The following RANBP10 variants were observed in gnomAD, a reference collection of about 807,000 sequenced individuals.
RANBP10 encodes the protein ran-binding protein 10.
In RANBP10, 24 loss-of-function variants were observed where a neutral mutation model predicts 72.8. The observed-to-expected ratio is 0.33, with a 90% CI of 0.24 to 0.46. RANBP10 has a LOEUF of 0.46. Among genes scored for constraint, RANBP10 ranks in the 20% least tolerant of loss-of-function variants. The probability of loss-of-function intolerance (pLI) is 1.00; values close to 1 mark genes in which losing one functional copy is unlikely to be tolerated. For missense variants in RANBP10, 679 were observed against 817.5 expected (o/e 0.83, Z 2.07); for synonymous variants, 310 against 322.3 (o/e 0.96, Z 0.41).
At position 67,760,403 on chromosome 16, in the gene RANBP10, GC is replaced by G. The variant is rs200625148; in HGVS notation, c.400+11630del. 7.8e-3 allele frequency among the ~76,000 whole-genome samples: 1,182 copies of G among 152,338 alleles called. 7 individuals are homozygous for G. Among genetic ancestry groups the G allele is most frequent in the African/African-American group, 0.022 (915 of 41,570 alleles). ...TGGCACACGCAGATGTGAAATATCA[GC>G]TGTTTGCAGAACGTGTCCTACCCAG... On this transcript the variant is annotated intron_variant, in intron 3 of 13. Transcript: ENST00000317506.
intron 2 of RANBP10, among the ~76,000 whole-genome samples, chr16:67,780,176 G>A (rs2054784525): frequency 6.6e-6 from 1 of 152,108 alleles, no homozygotes; most frequent in African/African-American, 2.4e-5. Flanking sequence ...AGAATGCAGT[G>A]AGCCGAGATT....
intron 6 of RANBP10, 112 bp from the exon 7 acceptor site, chr16:67,731,696 GA>G (rs1374733035): frequency 1.4e-6 from 1 of 707,468 alleles, no homozygotes; most frequent in Non-Finnish European, 2.4e-6. Context: ...ACACGTCCTG[GA>G]GGTGTAACCT....
chr16:67,804,576 ATTT>A (rs1032662023), intron 2 of RANBP10, among the ~76,000 whole-genome samples: 1 of 151,096 alleles, frequency 6.6e-6, no homozygotes, highest in Non-Finnish European at 1.5e-5. Flanking sequence ...TAATTTTTGA[ATTT>A]TTTTTTAGAG....
chr16:67,727,045 A>C (rs1043619608), intron 13 of RANBP10, among the ~76,000 whole-genome samples: 5 of 152,220 alleles, frequency 3.3e-5, no homozygotes, highest in African/African-American at 1.2e-4. Context: ...CTGTAATCCC[A>C]GCACTTTGGG....
intron 2 of RANBP10, among the ~76,000 whole-genome samples, chr16:67,786,948 G>T: frequency 6.7e-6 from 1 of 148,668 alleles, no homozygotes; most frequent in Admixed American, 6.8e-5. Flanking sequence ...CGAAAAAATA[G>T]AATAAATAGG....
intron 3 of RANBP10, among the ~76,000 whole-genome samples, chr16:67,760,140 A>C (rs932035714): frequency 6.6e-6 from 1 of 151,886 alleles, no homozygotes; most frequent in Non-Finnish European, 1.5e-5. Flanking sequence ...TCTACATGCC[A>C]ATAATCTCTA....
intron 3 of RANBP10, among the ~76,000 whole-genome samples, chr16:67,757,240 G>A (rs769441718): frequency 1.2e-4 from 18 of 152,110 alleles, no homozygotes; most frequent in Non-Finnish European, 2.2e-4. Context: ...GTAGAGTCTG[G>A]GCACTTCACA....
chr16:67,765,723 C>A (rs1220651772), intron 3 of RANBP10, among the ~76,000 whole-genome samples: 1 of 151,904 alleles, frequency 6.6e-6, no homozygotes, highest in African/African-American at 2.4e-5. Context: ...GTAGTCTCAG[C>A]TACTCGAGAG....
At chr16:67,760,830 C>A (rs1296127762) in intron 3 of RANBP10, among the ~76,000 whole-genome samples, 1 of 152,144 alleles carries the variant, frequency 6.6e-6, no homozygotes, top group Non-Finnish European at 1.5e-5. Context: ...TGCAGCTGGG[C>A]CTCCTATCAA....
In RANBP10 at chr16:67,727,424, C is replaced by T; in HGVS notation, c.1635G>A (p.Leu545=). 2 of 1,613,594 alleles carry T rather than the reference C, an allele frequency of 1.2e-6. No individual in the cohort carries two copies. The highest frequency in any genetic ancestry group is 1.7e-6 in the Non-Finnish European group (2 of 1,179,742). The change falls in exon 13 of 14, where the codon CTG becomes CTA. Residue 545 remains leucine (L), a synonymous_variant. Transcript: ENST00000317506. ...HTEMLQDAFS[L]LAYSDPWSCP... ...AGCTCCAGGGGTCTGAGTATGCCAG[C>T]AGGCTGAAGGCATCCTACAGGACAG...
At chr16:67,796,553 C>T (rs1325158712) in intron 2 of RANBP10, among the ~76,000 whole-genome samples, 2 of 152,152 alleles carry the variant, frequency 1.3e-5, no homozygotes, top group Non-Finnish European at 2.9e-5. Flanking sequence ...GCCTGATGTG[C>T]TGTGCATTGA....
intron 3 of RANBP10, among the ~76,000 whole-genome samples, chr16:67,750,893 A>G (rs1307488254): frequency 6.6e-6 from 1 of 151,560 alleles, no homozygotes; most frequent in African/African-American, 2.4e-5. Flanking sequence ...TAGCCACCCA[A>G]GTAGCTGGGA....
In RANBP10 at chr16:67,724,120, CCT is replaced by C. The variant is rs2053565691; in HGVS notation, c.*2306_*2307del. On this transcript the variant is annotated 3_prime_UTR_variant, in exon 14 of 14. Transcript: ENST00000317506. Reference sequence around the variant, plus strand: ...ACAGCTGTCCCGAGCCCTCCTGGGCCCTCTCAGCCACTCCACAACCTAAGCTC... The same window carrying C: ...ACAGCTGTCCCGAGCCCTCCTGGGCCCTCAGCCACTCCACAACCTAAGCTC... 6.6e-6 allele frequency: 1 copy of C among 152,598 alleles called. No homozygotes were observed. The highest frequency in any genetic ancestry group is 2.4e-5 in the African/African-American group (1 of 41,458). The allele number at this position is 152,598 out of a possible 1,614,324, so 9.5% of individuals were successfully genotyped here.
intron 3 of RANBP10, among the ~76,000 whole-genome samples, chr16:67,752,434 C>T (rs1356824449): frequency 1.3e-5 from 2 of 152,152 alleles, no homozygotes; most frequent in East Asian, 3.9e-4. Flanking sequence ...GAACGCAGCC[C>T]TGCCAATATC....
chr16:67,803,642 C>T (rs558324913), intron 2 of RANBP10, among the ~76,000 whole-genome samples: 1 of 136,898 alleles, frequency 7.3e-6, no homozygotes, highest in East Asian at 2.1e-4. Flanking sequence ...AGGAGCAAAA[C>T]TCCGTCTCAA....
chr16:67,751,287 G>A lies in RANBP10; in HGVS notation c.401-6832C>T, dbSNP rs147374547. On this transcript the variant is annotated intron_variant, in intron 3 of 13. Transcript: ENST00000317506. Reference sequence around the variant, plus strand: ...TTTCAAAGACCTAAAATTAAAATAAGTATTTTAAACACTTTTCTTTAAAAA... The same window carrying A: ...TTTCAAAGACCTAAAATTAAAATAAATATTTTAAACACTTTTCTTTAAAAA... Among the ~76,000 whole-genome samples the A allele has an allele frequency of 5.6e-3, 848 of 152,280 alleles. 7 individuals are homozygous for A. The highest frequency in any genetic ancestry group is 0.02 in the African/African-American group (824 of 41,550).
chr16:67,753,427 G>C (rs1183158307), intron 3 of RANBP10, among the ~76,000 whole-genome samples: 1 of 152,116 alleles, frequency 6.6e-6, no homozygotes, highest in Non-Finnish European at 1.5e-5. Flanking sequence ...CCAGGAGTTT[G>C]AGGTGGCAGT....
chr16:67,745,634 C>T (rs947209964), intron 3 of RANBP10, among the ~76,000 whole-genome samples: 6 of 152,166 alleles, frequency 3.9e-5, no homozygotes, highest in Non-Finnish European at 8.8e-5. Context: ...CGTACCTGGC[C>T]GATTCTCCCT....
At chr16:67,803,250 G>A (rs552361562) in intron 2 of RANBP10, among the ~76,000 whole-genome samples, 1 of 152,220 alleles carries the variant, frequency 6.6e-6, no homozygotes, top group African/African-American at 2.4e-5. Context: ...AAAGATGGCC[G>A]GGTGCAGTAG....
Sources: allele counts gnomAD v4.1 joint callset (sites outside exome capture counted in the v4.1 genomes callset), GRCh38; gene constraint gnomAD v4.1.1; transcripts MANE v1.5; gene names NCBI Gene and HGNC (gene_info 2026-07-23, HGNC 2026-07-21).